The following ZC3H3 variants were observed in gnomAD, a reference collection of about 807,000 sequenced individuals.
ZC3H3 encodes zinc finger CCCH-type containing 3, also known as zinc finger CCCH domain-containing protein 3.
In ZC3H3, 36 loss-of-function variants were observed where a neutral mutation model predicts 77.3. That is an observed-to-expected ratio of 0.47 (90% confidence interval 0.36 to 0.61). The LOEUF is 0.61. ZC3H3 is among the 20% of genes least tolerant of loss of function. The probability of loss-of-function intolerance (pLI) is 0.00; values close to 1 mark genes in which losing one functional copy is unlikely to be tolerated. For synonymous variants in ZC3H3, 626 were observed against 555.2 expected (o/e 1.13, Z -1.79); for missense variants, 1,331 against 1,312.2 (o/e 1.01, Z -0.22).
intron 5 of ZC3H3, among the ~76,000 whole-genome samples, chr8:143,472,749 G>A (rs548146568): frequency 8.5e-5 from 13 of 152,226 alleles, no homozygotes; most frequent in South Asian, 2.1e-4. Flanking sequence ...GCCCCGGTGC[G>A]GGGAGACGGA....
At chr8:143,479,759 G>A (rs1820856236) in intron 4 of ZC3H3, among the ~76,000 whole-genome samples, 1 of 152,178 alleles carries the variant, frequency 6.6e-6, no homozygotes, top group Non-Finnish European at 1.5e-5. Flanking sequence ...CCATAACCTT[G>A]ACTACACCAG....
chr8:143,527,886 G>A (rs1345049981), intron 3 of ZC3H3, among the ~76,000 whole-genome samples: 3 of 152,190 alleles, frequency 2.0e-5, no homozygotes, highest in Non-Finnish European at 4.4e-5. Flanking sequence ...TCACAGATAG[G>A]GCACCGAGCA....
chr8:143,514,921 G>A (rs1821985210), intron 3 of ZC3H3, among the ~76,000 whole-genome samples: 1 of 152,234 alleles, frequency 6.6e-6, no homozygotes, highest in African/African-American at 2.4e-5. Context: ...GTGCGGCTAG[G>A]CCCGGCCGCC....
chr8:143,504,110 C>T (rs1821615554), intron 4 of ZC3H3, among the ~76,000 whole-genome samples: 1 of 152,136 alleles, frequency 6.6e-6, no homozygotes, highest in South Asian at 2.1e-4. Context: ...TCTAGAGCTT[C>T]CCAGAGGAGG....
chr8:143,440,103 G>A lies in ZC3H3; in HGVS notation c.2753C>T (p.Ser918Leu), dbSNP rs891528503. The A allele has an allele frequency of 1.1e-5, 17 of 1,608,158 alleles. No individual in the cohort carries two copies. The African/African-American group carries it at 1.6e-4, about 15-fold the overall frequency. Residue 918 changes from serine (S) to leucine (L), a missense_variant, in exon 11 of 12, where the codon TCG becomes TTG. By Grantham distance (145) the Ser-to-Leu change is moderately radical. Around this residue, in one of 3 missense-constraint regions of ZC3H3, gnomAD observed 249 missense variants for 236.9 expected, o/e 1.05. Transcript: ENST00000262577. ...CCTGGGCTGGGCTCCTGGGCTCGGC[G>A]AGGACTGCAGGGAGATGAAGGAAGG... ...KLPSFISLQSSPSPGAQPRVR... is the reference protein window; with the variant it reads ...KLPSFISLQSLPSPGAQPRVR...
chr8:143,530,665 G>A lies in ZC3H3; in HGVS notation c.1561+5592C>T, dbSNP rs547787105. On this transcript the variant is annotated intron_variant, in intron 3 of 11. Transcript: ENST00000262577. The surrounding 1 kb of genome is among the most constrained non-coding windows in gnomAD (Gnocchi z 4.3). ...CCGAGCACAGCGACGGGCCCCAGGA[G>A]GATGTACCACGAAGCTGGCCCCACT... is the stretch of plus-strand genomic sequence containing the variant. 2.4e-4 allele frequency among the ~76,000 whole-genome samples: 37 copies of A among 152,252 alleles called. No individual in the cohort carries two copies. Among genetic ancestry groups the A allele is most frequent in the African/African-American group, 8.4e-4 (35 of 41,542 alleles).
chr8:143,541,322 C>T lies in ZC3H3; in HGVS notation c.46+54G>A. On this transcript the variant is annotated intron_variant, in intron 1 of 11. Coordinates refer to ENST00000262577, the MANE Select transcript of ZC3H3 (RefSeq NM_015117.3). ...TTCGACAAGGGGGCAGGGGACCCGC[C>T]GCGAGGTGAGGGGGAAAGAAGGGGA... is the stretch of plus-strand genomic sequence containing the variant. 2.5e-6 allele frequency: 4 copies of T among 1,601,538 alleles called. No individual in the cohort carries two copies. In the South Asian group the frequency reaches 4.4e-5, roughly 18 times the overall value.
At chr8:143,507,238 T>A (rs1182211431) in intron 4 of ZC3H3, among the ~76,000 whole-genome samples, 1 of 152,146 alleles carries the variant, frequency 6.6e-6, no homozygotes, top group Admixed American at 6.5e-5. Flanking sequence ...CCAGCCTGCA[T>A]CGAGGTCAGA....
chr8:143,440,859 CAG>C, intron 10 of ZC3H3, 75 bp downstream of exon 10: 1 of 1,314,578 alleles, frequency 7.6e-7, no homozygotes, highest in South Asian at 2.3e-5. Context: ...GGAGCTCAAC[CAG>C]AGGGCCCCGG....
intron 3 of ZC3H3, among the ~76,000 whole-genome samples, chr8:143,516,261 T>C (rs1460972153): frequency 6.6e-6 from 1 of 152,174 alleles, no homozygotes; most frequent in Non-Finnish European, 1.5e-5. Flanking sequence ...CCACTTTTCT[T>C]GTATGTGATG....
At chr8:143,473,087 T>C (rs1820621781) in intron 5 of ZC3H3, among the ~76,000 whole-genome samples, 1 of 152,236 alleles carries the variant, frequency 6.6e-6, no homozygotes, top group African/African-American at 2.4e-5. Flanking sequence ...ATGGTCTCCA[T>C]GGCTGCTGTC....
intron 8 of ZC3H3, among the ~76,000 whole-genome samples, chr8:143,466,889 G>T (rs530015481): frequency 3.3e-5 from 5 of 152,316 alleles, no homozygotes; most frequent in African/African-American, 1.2e-4. Flanking sequence ...AGCCCTGGGG[G>T]ATCTGGGCAG....
Position 143,537,986 on chromosome 8 carries a change from C to A in ZC3H3, c.1364+17G>T. ...CACAGCCCCTCACACTCTACCGCAG[C>A]CGGCCGGGATGCCCACCTTGTGCTG... On this transcript the variant is annotated intron_variant, in intron 2 of 11. Transcript: ENST00000262577. 6.3e-7 allele frequency: 1 copy of A among 1,581,246 alleles called. No individual in the cohort carries two copies. The highest frequency in any genetic ancestry group is 8.6e-7 in the Non-Finnish European group (1 of 1,163,494).
chr8:143,468,767 A>C, intron 5 of ZC3H3, 108 bp from the exon 6 acceptor site: 2 of 1,380,258 alleles, frequency 1.4e-6, no homozygotes, highest in Non-Finnish European at 1.9e-6. Flanking sequence ...CACTCAGCTC[A>C]GGCACAGCCT....
chr8:143,516,157 C>T (rs1016592457), intron 3 of ZC3H3, among the ~76,000 whole-genome samples: 7 of 152,364 alleles, frequency 4.6e-5, no homozygotes, highest in African/African-American at 1.2e-4. Context: ...TACGCTGGCG[C>T]GGCAGGAGCT....
intron 3 of ZC3H3, among the ~76,000 whole-genome samples, chr8:143,512,595 C>T (rs925355437): frequency 5.9e-5 from 9 of 152,176 alleles, no homozygotes; most frequent in African/African-American, 1.9e-4. Context: ...AAGCAGGACA[C>T]GGCCTAAAGA....
At chr8:143,517,818 C>A (rs1435267319) in intron 3 of ZC3H3, among the ~76,000 whole-genome samples, 1 of 152,212 alleles carries the variant, frequency 6.6e-6, no homozygotes, top group East Asian at 1.9e-4. Context: ...CGCACCTGAG[C>A]TCCCTCCCCG....
At chr8:143,453,721 A>G (rs1002871663) in intron 9 of ZC3H3, among the ~76,000 whole-genome samples, 1 of 152,246 alleles carries the variant, frequency 6.6e-6, no homozygotes, top group Non-Finnish European at 1.5e-5. Flanking sequence ...CAGACTTTCC[A>G]TCTCTTCCCC....
Position 143,437,814 on chromosome 8 carries a change from T to C in ZC3H3, c.*242A>G. ...CGGGGACAGGCCTGGAGGCCAGCCC[T>C]GCCTGGCACCCTGGAAGGTGGTGGG... On this transcript the variant is annotated 3_prime_UTR_variant, in exon 12 of 12. Coordinates refer to ENST00000262577, the MANE Select transcript of ZC3H3 (RefSeq NM_015117.3). 1.7e-6 allele frequency: 1 copy of C among 573,492 alleles called. No homozygotes were observed. Among genetic ancestry groups the C allele is most frequent in the South Asian group, 2.0e-5 (1 of 49,818 alleles). The allele number at this position is 573,492 out of a possible 1,614,324, so 35.5% of individuals were successfully genotyped here.
Sources: gnomAD v4.1 joint callset for allele counts (sites outside exome capture counted in the v4.1 genomes callset) on GRCh38, gnomAD v4.1.1 for gene constraint, gnomAD v4.1.1 regional missense constraint, Gnocchi (gnomAD v3.1) non-coding constraint, MANE v1.5 for transcripts, NCBI Gene and HGNC (gene_info 2026-07-23, HGNC 2026-07-21) for gene names.